MYO7B: variants seen among roughly 807,000 people sequenced by gnomAD.
The protein encoded by MYO7B is unconventional myosin-VIIb.
Under a neutral mutation model 259.7 loss-of-function variants are expected in MYO7B, and 212 were observed. The observed-to-expected ratio is 0.82, with a 90% CI of 0.73 to 0.91. The LOEUF is 0.91. Ranked by LOEUF, MYO7B falls within the 40% of genes least tolerant of loss-of-function variation. The pLI, the probability that MYO7B is intolerant of heterozygous loss-of-function variation, is 0.00. For missense variants in MYO7B, 2,732 were observed against 2,813.5 expected (o/e 0.97, Z 0.66); for synonymous variants, 1,197 against 1,166.4 (o/e 1.03, Z -0.54).
Position 127,610,007 on chromosome 2 carries a change from A to G in MYO7B, c.3183A>G (p.Arg1061=). Residue 1061 remains arginine (R), a synonymous_variant, in exon 24 of 48, where the codon AGA becomes AGG. Transcript: ENST00000409816. ...GTGCCCAGGTTCCACAGCACAGTAG[A>G]TCTGCACAGGCAAGTGGGGGGCAGC... ...EHGAQVPQHS[R]SAQRSGCKDK... 1 of 1,609,528 alleles carries G rather than the reference A, an allele frequency of 6.2e-7. No individual in the cohort carries two copies.
intron 6 of MYO7B, among the ~76,000 whole-genome samples, chr2:127,572,448 C>T (rs950899959): frequency 1.4e-5 from 2 of 147,512 alleles, no homozygotes; most frequent in Non-Finnish European, 1.5e-5. Flanking sequence ...TCTGTCTTTC[C>T]TTCCTTGCTT....
At chr2:127,587,308 T>C (rs1456305719) in intron 14 of MYO7B, among the ~76,000 whole-genome samples, 1 of 152,136 alleles carries the variant, frequency 6.6e-6, no homozygotes, top group South Asian at 2.1e-4. Context: ...ACATGGGATC[T>C]TCTCACCCGC....
In MYO7B at chr2:127,631,695, G is replaced by A. The variant is rs774261637; in HGVS notation, c.5191G>A (p.Ala1731Thr). Residue 1731 changes from alanine to threonine, a missense_variant, in exon 38 of 48, where the codon GCC becomes ACC. This residue lies in a region of MYO7B where 821 missense variants were observed against 769.3 expected (regional missense o/e 1.07). Coordinates refer to ENST00000409816, the MANE Select transcript of MYO7B (RefSeq NM_001393586.1). ...QIFTLALQHP[A>T]LQDEVYCQIL... ...CTTCACACTGGCCCTGCAGCACCCG[G>A]CCCTCCAGGACGAGGTCTACTGCCA... 1 of 1,613,014 alleles carries A rather than the reference G, an allele frequency of 6.2e-7. No homozygotes were observed. The highest frequency in any genetic ancestry group is 8.5e-7 in the Non-Finnish European group (1 of 1,179,866).
chr2:127,574,834 C>G (rs1678797112), intron 7 of MYO7B, among the ~76,000 whole-genome samples: 1 of 152,184 alleles, frequency 6.6e-6, no homozygotes, highest in African/African-American at 2.4e-5. Flanking sequence ...TTCTTACTAG[C>G]TTTTTAGCAA....
At chr2:127,587,664 C>A (rs1558818478) in intron 14 of MYO7B, among the ~76,000 whole-genome samples, 1 of 150,788 alleles carries the variant, frequency 6.6e-6, no homozygotes, top group East Asian at 2.0e-4. Flanking sequence ...TGCCTCCGGG[C>A]TTCAAGCGAT....
Position 127,627,185 on chromosome 2 carries a change from C to A in MYO7B, c.4335C>A (p.Gly1445=). 1 of 1,607,370 alleles carries A rather than the reference C, an allele frequency of 6.2e-7. No homozygotes were observed. The highest frequency in any genetic ancestry group is 8.5e-7 in the Non-Finnish European group (1 of 1,177,102). ...SRLFEVITLS[G]PRLPKTQLIL... is the part of the protein sequence containing the mutation. Reference sequence around the variant, plus strand: ...CACACTGCCGTCTCTCCTGGCCAGGCCCCCGCCTGCCCAAGACGCAGCTGA... The same window carrying A: ...CACACTGCCGTCTCTCCTGGCCAGGACCCCGCCTGCCCAAGACGCAGCTGA... The change falls in exon 33 of 48, where the codon GGC becomes GGA. Residue 1445 remains glycine, a splice_region_variant and synonymous_variant. Transcript: ENST00000409816. This position sits in a 1 kb window ranked among gnomAD's most constrained non-coding sequence, Gnocchi z 5.6.
intron 25 of MYO7B, 34 bp downstream of exon 25, chr2:127,612,361 T>C: frequency 7.0e-7 from 1 of 1,432,116 alleles, no homozygotes; most frequent in East Asian, 2.5e-5. Flanking sequence ...TGCTCCCAGC[T>C]GCTGCTGGCC....
In MYO7B at chr2:127,565,358, G is replaced by A; in HGVS notation, c.258G>A (p.Leu86=). Residue 86 remains leucine, a synonymous_variant, in exon 4 of 48, where the codon CTG becomes CTA. Coordinates refer to ENST00000409816, the MANE Select transcript of MYO7B (RefSeq NM_001393586.1). ...AGGCAGGCATGGTGCACAACCTCCTGATCCGCTACCAGCAGCACAAGATCT... is the reference window on the plus strand; with the variant it reads ...AGGCAGGCATGGTGCACAACCTCCTAATCCGCTACCAGCAGCACAAGATCT... ...LNEAGMVHNL[L]IRYQQHKIYT... is the part of the protein sequence containing the mutation. 6.2e-7 allele frequency: 1 copy of A among 1,614,038 alleles called. No individual in the cohort carries two copies.
Position 127,636,447 on chromosome 2 carries a change from GGTGTATGTGT to G in MYO7B, c.6124-95_6124-86del, listed in dbSNP as rs1681812506. 1.4e-6 allele frequency: 2 copies of G among 1,422,040 alleles called. No individual in the cohort carries two copies. Among genetic ancestry groups the G allele is most frequent in the Non-Finnish European group, 9.8e-7 (1 of 1,022,102 alleles). 88.1% of individuals were successfully genotyped at this position (1,422,040 alleles called of 1,614,324 possible). ...GCTGGCCGTGAGGCTGGAGGGCGTG[GGTGTATGTGT>G]GTATGTGCGTGTGGCCTAGATGAGC... On this transcript the variant is annotated intron_variant, in intron 45 of 47. Transcript: ENST00000409816. This position sits in a 1 kb window ranked among gnomAD's most constrained non-coding sequence, Gnocchi z 4.5.
At chr2:127,592,268 G>A (rs1285888688) in intron 16 of MYO7B, among the ~76,000 whole-genome samples, 5 of 152,148 alleles carry the variant, frequency 3.3e-5, no homozygotes, top group Admixed American at 6.5e-5. Flanking sequence ...GGTGCTACAC[G>A]CCTGTAATCC....
Position 127,594,902 on chromosome 2 carries a change from G to A in MYO7B, c.2244+1258G>A, listed in dbSNP as rs138677714. 2.5e-3 allele frequency among the ~76,000 whole-genome samples: 386 copies of A among 152,226 alleles called. 1 individual carries two copies. The highest frequency in any genetic ancestry group is 4.2e-3 in the Non-Finnish European group (287 of 67,986). ...GTATTTTATTCAGAATTTTTGCATC[G>A]ATGTTCATCAGGAATATTGGCCTGA... On this transcript the variant is annotated intron_variant, in intron 18 of 47. Coordinates refer to ENST00000409816, the MANE Select transcript of MYO7B (RefSeq NM_001393586.1).
intron 5 of MYO7B, 118 bp downstream of exon 5, chr2:127,566,945 C>G (rs936680078): frequency 1.8e-6 from 2 of 1,089,700 alleles, no homozygotes; most frequent in African/African-American, 1.6e-5. Context: ...ACACCCATCT[C>G]CACAGCACAC....
At chr2:127,587,849 G>A (rs1205853601) in intron 14 of MYO7B, among the ~76,000 whole-genome samples, 1 of 151,776 alleles carries the variant, frequency 6.6e-6, no homozygotes, top group African/African-American at 2.4e-5. Context: ...TTACAGGTGT[G>A]AGCCACCACA....
chr2:127,635,547 G>A, intron 43 of MYO7B, 175 bp from the exon 44 acceptor site: 1 of 739,112 alleles, frequency 1.4e-6, no homozygotes, highest in Non-Finnish European at 2.2e-6. Context: ...GCAGATGTCA[G>A]GGGGCCCTGC....
chr2:127,578,672 A>G (rs543538927), intron 9 of MYO7B, among the ~76,000 whole-genome samples: 33 of 152,320 alleles, frequency 2.2e-4, no homozygotes, highest in Admixed American at 1.7e-3. Context: ...AACGGCAGTT[A>G]TTGACAGTCC....
At chr2:127,593,772 G>C in intron 18 of MYO7B, 128 bp downstream of exon 18, 1 of 788,968 alleles carries the variant, frequency 1.3e-6, no homozygotes. Context: ...AGCTCAAAGT[G>C]TGGTCCCCAC....
intron 26 of MYO7B, among the ~76,000 whole-genome samples, chr2:127,618,288 A>G (rs547990033): frequency 6.6e-6 from 1 of 152,148 alleles, no homozygotes; most frequent in South Asian, 2.1e-4. Flanking sequence ...GAAAACTTAA[A>G]ACAAAAGAAA....
chr2:127,581,759 C>A, intron 10 of MYO7B, 132 bp from the exon 11 acceptor site: 1 of 1,278,320 alleles, frequency 7.8e-7, no homozygotes, highest in Non-Finnish European at 1.1e-6. Context: ...GCCCTGGCCT[C>A]GGGCAGCGCC....
Position 127,637,301 on chromosome 2 carries a change from C to CA in MYO7B, c.6328-15_6328-14insA. 3 of 1,461,620 alleles carry CA rather than the reference C, an allele frequency of 2.1e-6. No homozygotes were observed. Among genetic ancestry groups the CA allele is most frequent in the South Asian group, 1.2e-5 (1 of 80,876 alleles). 90.5% of individuals were successfully genotyped at this position (1,461,620 alleles called of 1,614,324 possible). On this transcript the variant is annotated splice_polypyrimidine_tract_variant and intron_variant, in intron 47 of 47. Coordinates refer to ENST00000409816, the MANE Select transcript of MYO7B (RefSeq NM_001393586.1). ...TCTGCACCCACAGCCTCTGACCCCCCCGTCCCCTGTCCAGGGCTATAAGAT... is the reference window on the plus strand; with the variant it reads ...TCTGCACCCACAGCCTCTGACCCCCCACGTCCCCTGTCCAGGGCTATAAGAT...
Sources: allele counts gnomAD v4.1 joint callset (sites outside exome capture counted in the v4.1 genomes callset), GRCh38; gene constraint gnomAD v4.1.1; regional missense constraint gnomAD v4.1.1; non-coding constraint Gnocchi (gnomAD v3.1); transcripts MANE v1.5; gene names NCBI Gene and HGNC (gene_info 2026-07-23, HGNC 2026-07-21).